PDSS2: variants seen among roughly 807,000 people sequenced by gnomAD.
PDSS2 encodes the protein decaprenyl diphosphate synthase subunit 2, also known as all trans-polyprenyl-diphosphate synthase PDSS2.
PDSS2 carries 31 observed loss-of-function variants against 44.5 expected under a neutral mutation model. That is an observed-to-expected ratio of 0.70 (90% CI 0.52 to 0.94). The LOEUF is 0.94. Among genes scored for constraint, PDSS2 ranks in the 40% least tolerant of loss-of-function variants. The pLI, the probability that PDSS2 is intolerant of heterozygous loss-of-function variation, is 0.00. For synonymous variants in PDSS2, 157 were observed against 180.3 expected, an observed-to-expected ratio of 0.87 and a Z score of 1.03; for missense variants, 452 against 482.2, an observed-to-expected ratio of 0.94 and a Z score of 0.59.
At position 107,382,987 on chromosome 6, in the gene PDSS2, C is replaced by T. The variant is rs191070491; in HGVS notation, c.297-48655G>A. Among the ~76,000 whole-genome samples, 210 of 152,028 alleles carry T rather than the reference C, an allele frequency of 1.4e-3. 3 individuals carry two copies. The highest frequency in any genetic ancestry group is 4.8e-3 in the African/African-American group (198 of 41,490). The stretch of plus-strand genomic sequence containing the variant: ...CAAAAAAATAAAGTTGGACCCTTAA[C>T]TCATACCATATACAAAAATTAACTC... On this transcript the variant is annotated intron_variant, in intron 1 of 7. Coordinates refer to ENST00000369037, the MANE Select transcript of PDSS2 (RefSeq NM_020381.4).
At chr6:107,359,478 G>C (rs529201390) in intron 1 of PDSS2, among the ~76,000 whole-genome samples, 3 of 151,876 alleles carry the variant, frequency 2.0e-5, no homozygotes, top group African/African-American at 7.2e-5. Flanking sequence ...CAAAAAATTA[G>C]CTGGGCATGG....
intron 2 of PDSS2, among the ~76,000 whole-genome samples, chr6:107,303,695 C>T (rs1332430853): frequency 1.3e-5 from 2 of 152,112 alleles, no homozygotes; most frequent in Non-Finnish European, 2.9e-5. Context: ...TATGGATGTA[C>T]CACAATATTC....
chr6:107,429,581 G>A (rs2114742504), intron 1 of PDSS2, among the ~76,000 whole-genome samples: 1 of 152,082 alleles, frequency 6.6e-6, no homozygotes, highest in East Asian at 1.9e-4. Context: ...TAGCGGCCAT[G>A]AAGAAGAATA....
chr6:107,429,901 A>AAAAAAAAAATATATAT (rs1166637352), intron 1 of PDSS2, among the ~76,000 whole-genome samples: 1 of 31,838 alleles, frequency 3.1e-5, no homozygotes, highest in Non-Finnish European at 5.3e-5. Context: ...AAAAAAAAAA[A>AAAAAAAAAATATATAT]ATATATATAT....
intron 1 of PDSS2, among the ~76,000 whole-genome samples, chr6:107,436,729 G>T (rs2353523): frequency 6.6e-6 from 1 of 151,946 alleles, no homozygotes; most frequent in Non-Finnish European, 1.5e-5. Context: ...GGGTAAGAAC[G>T]TTCCCAACAC....
chr6:107,261,080 G>T (rs1204706321), intron 3 of PDSS2, among the ~76,000 whole-genome samples: 2 of 152,202 alleles, frequency 1.3e-5, no homozygotes, highest in African/African-American at 4.8e-5. Flanking sequence ...TCTCACCTGA[G>T]GAACTTTCTG....
chr6:107,417,343 A>T (rs2114682541), intron 1 of PDSS2, among the ~76,000 whole-genome samples: 1 of 152,334 alleles, frequency 6.6e-6, no homozygotes, highest in East Asian at 1.9e-4. Context: ...ACTCTCATAC[A>T]TGCTGATAGT....
intron 7 of PDSS2, among the ~76,000 whole-genome samples, chr6:107,156,025 G>T (rs1770881640): frequency 6.6e-6 from 1 of 150,544 alleles, no homozygotes; most frequent in African/African-American, 2.5e-5. Context: ...GAGTAGCTGG[G>T]ATTACAGGCG....
At chr6:107,340,735 A>C (rs2115282330) in intron 1 of PDSS2, among the ~76,000 whole-genome samples, 1 of 152,348 alleles carries the variant, frequency 6.6e-6, no homozygotes, top group South Asian at 2.1e-4. Flanking sequence ...TTCCCTGAGT[A>C]GGGAACAGAA....
intron 7 of PDSS2, among the ~76,000 whole-genome samples, chr6:107,191,037 G>A (rs989024431): frequency 2.6e-5 from 4 of 152,006 alleles, no homozygotes; most frequent in African/African-American, 4.8e-5. Flanking sequence ...GACTACAGGC[G>A]CCCGCCACCA....
At chr6:107,269,069 A>C (rs941321749) in intron 3 of PDSS2, among the ~76,000 whole-genome samples, 1 of 151,556 alleles carries the variant, frequency 6.6e-6, no homozygotes, top group Non-Finnish European at 1.5e-5. Flanking sequence ...CCTCCCAAGT[A>C]GCTGGGATTA....
Position 107,443,309 on chromosome 6 carries a change from A to G in PDSS2, c.296+15681T>C, listed in dbSNP as rs530307195. Among the ~76,000 whole-genome samples, 8 of 152,332 alleles carry G rather than the reference A, an allele frequency of 5.3e-5. No homozygotes were observed. In the South Asian group the frequency reaches 1.7e-3, roughly 32 times the overall value. ...CTAGTACTTAACCTTTATGATCTCC[A>G]CTGACCTCAGGATAAAATTAGATCA... is the stretch of plus-strand genomic sequence containing the variant. On this transcript the variant is annotated intron_variant, in intron 1 of 7. Coordinates refer to ENST00000369037, the MANE Select transcript of PDSS2 (RefSeq NM_020381.4).
chr6:107,164,790 C>A, intron 7 of PDSS2, among the ~76,000 whole-genome samples: 1 of 152,128 alleles, frequency 6.6e-6, no homozygotes, highest in East Asian at 1.9e-4. Flanking sequence ...TCAACAGTGT[C>A]AAAGTGTTCC....
intron 2 of PDSS2, among the ~76,000 whole-genome samples, chr6:107,310,284 CAAAAAA>C (rs58991885): frequency 1.1e-5 from 1 of 90,264 alleles, no homozygotes; most frequent in Non-Finnish European, 2.1e-5. Context: ...GACTCCATCC[CAAAAAA>C]AAAAAAAAAA....
In PDSS2 at chr6:107,459,521, A is replaced by C; in HGVS notation, c.-236T>G. 1.8e-6 allele frequency: 1 copy of C among 568,754 alleles called. No homozygotes were observed. The highest frequency in any genetic ancestry group is 3.0e-5 in the East Asian group (1 of 33,264). The allele number at this position is 568,754 out of a possible 1,614,324, so 35.2% of individuals were successfully genotyped here. On this transcript the variant is annotated 5_prime_UTR_variant, in exon 1 of 8. Coordinates refer to ENST00000369037, the MANE Select transcript of PDSS2 (RefSeq NM_020381.4). The surrounding 1 kb of genome is among the most constrained non-coding windows in gnomAD (Gnocchi z 4.3). ...ACTGCCCCCGGCCACCCGGGGTAGAAACCACAGCCACTGCCTATGTGGAGG... is the reference window on the plus strand; with the variant it reads ...ACTGCCCCCGGCCACCCGGGGTAGACACCACAGCCACTGCCTATGTGGAGG...
chr6:107,452,513 T>C (rs748898612), intron 1 of PDSS2, among the ~76,000 whole-genome samples: 1 of 152,092 alleles, frequency 6.6e-6, no homozygotes, highest in Non-Finnish European at 1.5e-5. Flanking sequence ...ATTACAGGCA[T>C]GAGCCACCGC....
At chr6:107,454,846 A>G (rs866537843) in intron 1 of PDSS2, among the ~76,000 whole-genome samples, 4 of 152,204 alleles carry the variant, frequency 2.6e-5, no homozygotes, top group Middle Eastern at 3.2e-3. Context: ...TTTTAGTTAT[A>G]ATTTACAATA....
intron 1 of PDSS2, among the ~76,000 whole-genome samples, chr6:107,437,518 C>T (rs1003719524): frequency 1.0e-5 from 1 of 97,320 alleles, no homozygotes; most frequent in African/African-American, 4.3e-5. Context: ...GAGTGAGACC[C>T]TGTCTCCAAA....
chr6:107,379,535 GTC>G (rs561543426), intron 1 of PDSS2, among the ~76,000 whole-genome samples: 10 of 152,260 alleles, frequency 6.6e-5, no homozygotes, highest in African/African-American at 2.4e-4. Flanking sequence ...GCATGCTTAT[GTC>G]TCTTTGTAGC....
Sources: allele counts gnomAD v4.1 joint callset (sites outside exome capture counted in the v4.1 genomes callset), GRCh38; gene constraint gnomAD v4.1.1; non-coding constraint Gnocchi (gnomAD v3.1); transcripts MANE v1.5; gene names NCBI Gene and HGNC (gene_info 2026-07-23, HGNC 2026-07-21).